Variants in VPS13B observed in about 807,000 individuals in gnomAD.
VPS13B encodes intermembrane lipid transfer protein VPS13B.
A neutral mutation model predicts 426.4 loss-of-function variants in VPS13B; 285 were observed. That is an observed-to-expected ratio of 0.67 (90% CI 0.61 to 0.74). VPS13B has a LOEUF of 0.74. Among genes scored for constraint, VPS13B ranks in the 30% least tolerant of loss-of-function variants. The pLI, the probability that VPS13B is intolerant of heterozygous loss-of-function variation, is 0.00. For synonymous variants in VPS13B, 1,676 were observed against 1,676.4 expected, an observed-to-expected ratio of 1.00 and a Z score of 0.01; for missense variants, 4,537 against 4,782.6, an observed-to-expected ratio of 0.95 and a Z score of 1.51.
chr8:99,812,273 T>C (rs948228423), intron 44 of VPS13B, among the ~76,000 whole-genome samples: 6 of 152,088 alleles, frequency 3.9e-5, no homozygotes, highest in African/African-American at 1.2e-4. Flanking sequence ...TCAGATTTGT[T>C]CTGGTTAAAG....
chr8:99,295,578 A>T (rs908363096), intron 19 of VPS13B, among the ~76,000 whole-genome samples: 5 of 152,194 alleles, frequency 3.3e-5, no homozygotes, highest in African/African-American at 4.8e-5. Context: ...TTCTCAGAAC[A>T]CTTACATTGG....
At chr8:99,262,972 A>G (rs866442414) in intron 17 of VPS13B, among the ~76,000 whole-genome samples, 2 of 151,944 alleles carry the variant, frequency 1.3e-5, no homozygotes, top group African/African-American at 4.8e-5. Flanking sequence ...ATGGGGTCCC[A>G]TCATGTAGCC....
intron 31 of VPS13B, among the ~76,000 whole-genome samples, chr8:99,572,581 G>A (rs199692143): frequency 6.6e-6 from 1 of 152,036 alleles, no homozygotes; most frequent in South Asian, 2.1e-4. Context: ...GCAATAGTTT[G>A]CTGAGAATGA....
chr8:99,296,153 A>T (rs1228184911), intron 19 of VPS13B, among the ~76,000 whole-genome samples: 1 of 152,166 alleles, frequency 6.6e-6, no homozygotes, highest in Admixed American at 6.5e-5. Flanking sequence ...TCTGTACATT[A>T]TGTAAATATT....
chr8:99,319,533 G>A (rs1169825197), intron 19 of VPS13B, among the ~76,000 whole-genome samples: 1 of 152,152 alleles, frequency 6.6e-6, no homozygotes, highest in Non-Finnish European at 1.5e-5. Context: ...GTTCTTTGTT[G>A]TAAAAGGATT....
intron 20 of VPS13B, among the ~76,000 whole-genome samples, chr8:99,390,168 G>C (rs1473562173): frequency 6.6e-6 from 1 of 151,574 alleles, no homozygotes; most frequent in Non-Finnish European, 1.5e-5. Flanking sequence ...CATGATCTCG[G>C]CTCACTGCAA....
intron 19 of VPS13B, among the ~76,000 whole-genome samples, chr8:99,357,476 G>A (rs1027680900): frequency 1.3e-5 from 2 of 151,900 alleles, no homozygotes; most frequent in Non-Finnish European, 2.9e-5. Flanking sequence ...GCTCTTTTAG[G>A]TCTCTTTTCA....
intron 20 of VPS13B, among the ~76,000 whole-genome samples, chr8:99,390,661 T>A (rs1349321296): frequency 6.6e-6 from 1 of 152,168 alleles, no homozygotes; most frequent in Non-Finnish European, 1.5e-5. Flanking sequence ...GCCACCAGAT[T>A]CACCATCTGA....
chr8:99,810,583 A>G (rs1357212529), intron 44 of VPS13B, among the ~76,000 whole-genome samples: 1 of 152,236 alleles, frequency 6.6e-6, no homozygotes, highest in Admixed American at 6.5e-5. Context: ...CAACTCTAGC[A>G]GAGGAGTCTC....
intron 3 of VPS13B, among the ~76,000 whole-genome samples, chr8:99,044,019 T>C (rs1169563352): frequency 1.3e-5 from 2 of 151,670 alleles, no homozygotes; most frequent in African/African-American, 2.4e-5. Flanking sequence ...TGCAACCATG[T>C]TTCCCTCTCT....
Position 99,875,947 on chromosome 8 carries a change from A to AAGAT in VPS13B, c.*283_*286dup, listed in dbSNP as rs1413031130. The AAGAT allele has an allele frequency of 1.1e-4, 50 of 454,710 alleles. No homozygotes were observed. Among genetic ancestry groups the AAGAT allele is most frequent in the African/African-American group, 5.9e-4 (30 of 50,938 alleles). The allele number at this position is 454,710 out of a possible 1,614,324, so 28.2% of individuals were successfully genotyped here. Reference sequence around the variant, plus strand: ...TCCTTATTTACATCCTTACCTCTAAAAGATACTTCAAAGTGACAAAAACGT... The same window carrying AAGAT: ...TCCTTATTTACATCCTTACCTCTAAAAGATAGATACTTCAAAGTGACAAAAACGT... On this transcript the variant is annotated 3_prime_UTR_variant, in exon 62 of 62. Transcript: ENST00000357162.
chr8:99,358,027 C>CAA (rs1194113593), intron 19 of VPS13B, among the ~76,000 whole-genome samples: 1 of 151,740 alleles, frequency 6.6e-6, no homozygotes, highest in Admixed American at 6.6e-5. Context: ...CACACACACA[C>CAA]ACACACACCA....
At chr8:99,262,155 A>G (rs1463321175) in intron 17 of VPS13B, among the ~76,000 whole-genome samples, 1 of 152,164 alleles carries the variant, frequency 6.6e-6, no homozygotes, top group Non-Finnish European at 1.5e-5. Flanking sequence ...GAATATTTAA[A>G]GTTCAGTTCT....
chr8:99,840,515 A>G (rs1815628457), intron 54 of VPS13B, among the ~76,000 whole-genome samples: 1 of 152,228 alleles, frequency 6.6e-6, no homozygotes, highest in Admixed American at 6.5e-5. Context: ...AAATATGTTG[A>G]ACAGGACAAG....
At chr8:99,314,609 C>T (rs1276265646) in intron 19 of VPS13B, among the ~76,000 whole-genome samples, 1 of 152,050 alleles carries the variant, frequency 6.6e-6, no homozygotes, top group Non-Finnish European at 1.5e-5. Flanking sequence ...CATCACTGTG[C>T]CTGGCTAATT....
chr8:99,052,985 G>C (rs541666248), intron 3 of VPS13B, among the ~76,000 whole-genome samples: 12 of 152,008 alleles, frequency 7.9e-5, no homozygotes, highest in East Asian at 3.9e-4. Context: ...AACACCAGCT[G>C]CTGGATTCAT....
chr8:99,517,510 TA>T (rs955137455), intron 29 of VPS13B, among the ~76,000 whole-genome samples: 1 of 152,154 alleles, frequency 6.6e-6, no homozygotes, highest in African/African-American at 2.4e-5. Flanking sequence ...CAGTTAATGA[TA>T]AAAAAATTGA....
At chr8:99,166,738 AG>A (rs1675371212) in intron 15 of VPS13B, among the ~76,000 whole-genome samples, 1 of 152,180 alleles carries the variant, frequency 6.6e-6, no homozygotes, top group Non-Finnish European at 1.5e-5. Flanking sequence ...TGGACTCTCA[AG>A]GGACCCCAAA....
intron 15 of VPS13B, among the ~76,000 whole-genome samples, chr8:99,165,717 A>G (rs1050806326): frequency 6.6e-6 from 1 of 152,218 alleles, no homozygotes; most frequent in Admixed American, 6.5e-5. Flanking sequence ...AAGTAGCAGC[A>G]TGTAATACAT....
Sources: gnomAD v4.1 joint callset for allele counts (sites outside exome capture counted in the v4.1 genomes callset) on GRCh38, gnomAD v4.1.1 for gene constraint, MANE v1.5 for transcripts, NCBI Gene and HGNC (gene_info 2026-07-23, HGNC 2026-07-21) for gene names.